Variants in RIMS1 observed in about 807,000 individuals in gnomAD.
RIMS1 encodes the protein regulating synaptic membrane exocytosis protein 1.
A neutral mutation model predicts 214.1 loss-of-function variants in RIMS1; 83 were observed. The ratio of observed to expected loss-of-function variants is 0.39; its 90% CI spans 0.32 to 0.47. RIMS1 has a LOEUF of 0.47. Among genes scored for constraint, RIMS1 ranks in the 20% least tolerant of loss-of-function variants. RIMS1 has a pLI of 0.99. For synonymous variants in RIMS1, 793 were observed against 786.8 expected, an observed-to-expected ratio of 1.01 and a Z score of -0.13; for missense variants, 2,050 against 2,161.8, an observed-to-expected ratio of 0.95 and a Z score of 1.03.
chr6:72,132,636 C>T (rs1471697546), intron 4 of RIMS1, among the ~76,000 whole-genome samples: 1 of 152,038 alleles, frequency 6.6e-6, no homozygotes, highest in Admixed American at 6.6e-5. Flanking sequence ...GCTTGACTTG[C>T]TACATGCTTC....
At chr6:72,254,598 A>G (rs2074993421) in intron 16 of RIMS1, among the ~76,000 whole-genome samples, 1 of 152,192 alleles carries the variant, frequency 6.6e-6, no homozygotes, top group South Asian at 2.1e-4. Context: ...CCCAAATTTC[A>G]TTCACCTGAA....
chr6:71,977,000 C>G (rs1797315908), intron 2 of RIMS1, among the ~76,000 whole-genome samples: 1 of 152,120 alleles, frequency 6.6e-6, no homozygotes, highest in African/African-American at 2.4e-5. Context: ...GCTCTGCATA[C>G]TAGACATGAT....
rs1294569662 is a variant in RIMS1, at chr6:72,390,503, G to C, written c.4367-95G>C. On this transcript the variant is annotated intron_variant, in intron 29 of 33. Transcript: ENST00000521978. ...TTTTTCTGATTAAATTTGTAATTAT[G>C]TGTAAAATTAACTATTGTATTTGCA... 13 of 1,292,494 alleles carry C rather than the reference G, an allele frequency of 1.0e-5. No individual in the cohort carries two copies. The East Asian group carries it at 3.0e-4, about 30-fold the overall frequency. 80.1% of individuals were successfully genotyped at this position (1,292,494 alleles called of 1,614,324 possible). A position where few individuals can be genotyped will look rare whatever the true frequency, so the allele number is the denominator to read the frequency against.
At chr6:72,076,422 G>A (rs1231791197) in intron 2 of RIMS1, among the ~76,000 whole-genome samples, 1 of 152,078 alleles carries the variant, frequency 6.6e-6, no homozygotes, top group Non-Finnish European at 1.5e-5. Flanking sequence ...GAGGGTTCTG[G>A]TTTCTCTTCC....
intron 33 of RIMS1, 107 bp downstream of exon 33, chr6:72,399,201 G>A (rs557814275): frequency 1.1e-5 from 10 of 907,084 alleles, no homozygotes; most frequent in African/African-American, 1.0e-4. Context: ...GATAAATGTA[G>A]GATAATATTC....
intron 28 of RIMS1, among the ~76,000 whole-genome samples, chr6:72,332,628 A>G (rs1450611105): frequency 6.7e-6 from 1 of 150,244 alleles, no homozygotes; most frequent in African/African-American, 2.4e-5. Flanking sequence ...TGGCACATGT[A>G]TACATATGTA....
intron 19 of RIMS1, chr6:72,261,995 T>C: frequency 1.0e-6 from 1 of 984,792 alleles, no homozygotes; most frequent in Non-Finnish European, 1.2e-6. Context: ...TATTTACTAA[T>C]TCTGAAAGTT....
intron 28 of RIMS1, chr6:72,316,637 C>T: frequency 4.0e-6 from 2 of 495,014 alleles, no homozygotes; most frequent in South Asian, 1.8e-5. Context: ...GGAGCAGGAG[C>T]CACCAGGTCC....
chr6:72,011,741 A>C (rs1810693899), intron 2 of RIMS1, among the ~76,000 whole-genome samples: 1 of 152,246 alleles, frequency 6.6e-6, no homozygotes, highest in African/African-American at 2.4e-5. Flanking sequence ...GCTCACCATC[A>C]CTGACCATCA....
intron 26 of RIMS1, chr6:72,296,083 T>C (rs963446685): frequency 1.3e-5 from 2 of 154,616 alleles, no homozygotes; most frequent in African/African-American, 4.8e-5. Context: ...GGTAGCTATT[T>C]TCCTCAAATG....
intron 26 of RIMS1, among the ~76,000 whole-genome samples, chr6:72,301,545 C>CT (rs551424142): frequency 1.3e-5 from 2 of 151,350 alleles, no homozygotes; most frequent in South Asian, 2.1e-4. Context: ...TATGTACACA[C>CT]TTTTTTTTCT....
At chr6:72,317,155 G>C in intron 28 of RIMS1, 1 of 346,400 alleles carries the variant, frequency 2.9e-6, no homozygotes, top group Non-Finnish European at 5.6e-6. Context: ...TCCCGACCAG[G>C]GTGCCCCCTC....
intron 1 of RIMS1, among the ~76,000 whole-genome samples, chr6:71,932,540 C>T (rs1007471172): frequency 9.9e-5 from 15 of 151,900 alleles, no homozygotes; most frequent in Non-Finnish European, 1.6e-4. Flanking sequence ...ACTTAAAATC[C>T]GGGTGATGAA....
intron 1 of RIMS1, among the ~76,000 whole-genome samples, chr6:71,935,742 T>G (rs1314174777): frequency 6.6e-6 from 1 of 152,204 alleles, no homozygotes; most frequent in Non-Finnish European, 1.5e-5. Flanking sequence ...TGGCTGGACT[T>G]TCTCCTGTGC....
At chr6:72,253,352 A>G (rs998473227) in intron 16 of RIMS1, among the ~76,000 whole-genome samples, 1 of 152,182 alleles carries the variant, frequency 6.6e-6, no homozygotes, top group African/African-American at 2.4e-5. Context: ...TTTTAATACA[A>G]TAATATGTTT....
intron 4 of RIMS1, among the ~76,000 whole-genome samples, chr6:72,117,338 G>A (rs1167194834): frequency 6.6e-6 from 1 of 151,896 alleles, no homozygotes; most frequent in African/African-American, 2.4e-5. Context: ...AGTCCTAAGT[G>A]GAACAAAAGA....
At chr6:72,270,968 T>A (rs2154185789) in intron 22 of RIMS1, among the ~76,000 whole-genome samples, 1 of 152,182 alleles carries the variant, frequency 6.6e-6, no homozygotes, top group Middle Eastern at 3.4e-3. Context: ...GTATCATAGA[T>A]CTTGTTTCAA....
chr6:72,322,620 A>C (rs2096234888), intron 28 of RIMS1, among the ~76,000 whole-genome samples: 2 of 152,118 alleles, frequency 1.3e-5, no homozygotes, highest in South Asian at 4.1e-4. Flanking sequence ...AACAGCAAAA[A>C]CTATTGGAAG....
intron 6 of RIMS1, among the ~76,000 whole-genome samples, chr6:72,203,372 T>A (rs2052373465): frequency 6.6e-6 from 1 of 152,072 alleles, no homozygotes; most frequent in Admixed American, 6.6e-5. Context: ...AATGCCGACG[T>A]TTAATATTAG....
Sources: allele counts gnomAD v4.1 joint callset (sites outside exome capture counted in the v4.1 genomes callset), GRCh38; gene constraint gnomAD v4.1.1; transcripts MANE v1.5; gene names NCBI Gene and HGNC (gene_info 2026-07-23, HGNC 2026-07-21).